Variants in TLN2 observed in about 807,000 individuals in gnomAD.
TLN2 encodes talin-2.
A neutral mutation model predicts 294.7 loss-of-function variants in TLN2; 118 were observed. The observed-to-expected ratio is 0.40, with a 90% confidence interval of 0.34 to 0.47. TLN2 has a LOEUF of 0.47. Ranked by LOEUF, TLN2 falls within the 20% of genes least tolerant of loss-of-function variation. The probability of loss-of-function intolerance (pLI) is 0.84; values close to 1 mark genes in which losing one functional copy is unlikely to be tolerated. For missense variants in TLN2, 3,083 were observed against 3,282.2 expected (o/e 0.94, Z 1.48); for synonymous variants, 1,431 against 1,304.5 (o/e 1.10, Z -2.09).
intron 1 of TLN2, among the ~76,000 whole-genome samples, chr15:62,416,701 T>G (rs2034106325): frequency 6.6e-6 from 1 of 152,184 alleles, no homozygotes; most frequent in Non-Finnish European, 1.5e-5. Context: ...ATTTAGCATT[T>G]GGCCTGACAG....
chr15:62,776,887 G>A lies in TLN2; in HGVS notation c.5491G>A (p.Ala1831Thr), dbSNP rs138052939. ...EVGLVGGMVD[A>T]IAEAMSKLDE... ...GGGGCTGGTTGGGGGCATGGTGGACGCCATTGCAGAAGCCATGAGCAAGGT... is the reference window on the plus strand; with the variant it reads ...GGGGCTGGTTGGGGGCATGGTGGACACCATTGCAGAAGCCATGAGCAAGGT... Residue 1831 changes from alanine (A) to threonine (T), a missense_variant, in exon 43 of 59, where the codon GCC (alanine) becomes ACC (threonine). Coordinates refer to ENST00000636159, the MANE Select transcript of TLN2 (RefSeq NM_015059.3). The A allele has an allele frequency of 3.0e-5, 48 of 1,582,972 alleles. 1 individual carries two copies. The Admixed American group carries it at 4.5e-4, about 15-fold the overall frequency.
chr15:62,675,077 A>G (rs983840427), intron 10 of TLN2, 140 bp from the exon 11 acceptor site: 12 of 732,412 alleles, frequency 1.6e-5, no homozygotes, highest in East Asian at 1.6e-4. Flanking sequence ...TGCCTGTGTC[A>G]TGGAGGGGTC....
chr15:62,462,738 C>T (rs1400680990), intron 1 of TLN2, among the ~76,000 whole-genome samples: 1 of 152,172 alleles, frequency 6.6e-6, no homozygotes, highest in African/African-American at 2.4e-5. Context: ...CCTTCCGGAA[C>T]CAGAACCAGT....
chr15:62,740,347 C>A, intron 31 of TLN2: 1 of 322,904 alleles, frequency 3.1e-6, no homozygotes, highest in Non-Finnish European at 5.7e-6. Context: ...CCACCCTGCT[C>A]CCCGCTTAAT....
At chr15:62,492,920 C>T (rs1250708519) in intron 1 of TLN2, among the ~76,000 whole-genome samples, 1 of 152,130 alleles carries the variant, frequency 6.6e-6, no homozygotes, top group Non-Finnish European at 1.5e-5. Context: ...AGTGGGGTAG[C>T]CCAGGACGTT....
In TLN2 at chr15:62,607,176, C is replaced by T. The variant is rs543522942; in HGVS notation, c.-161-11175C>T. On this transcript the variant is annotated intron_variant, in intron 2 of 58. Transcript: ENST00000636159. ...GCTCCTGCCCTTCAAGCACCCTTGGCTTCCTATTAGACTTTCTCTTTCCTC... is the reference window on the plus strand; with the variant it reads ...GCTCCTGCCCTTCAAGCACCCTTGGTTTCCTATTAGACTTTCTCTTTCCTC... Among the ~76,000 whole-genome samples the T allele has an allele frequency of 9.2e-5, 14 of 152,288 alleles. No homozygotes were observed. The East Asian group carries it at 2.7e-3, about 29-fold the overall frequency.
At chr15:62,668,862 A>G (rs981602656) in intron 9 of TLN2, among the ~76,000 whole-genome samples, 35 of 152,284 alleles carry the variant, frequency 2.3e-4, no homozygotes, top group Middle Eastern at 3.4e-3. Flanking sequence ...CTCTCTCTCA[A>G]CCTGGTTTGG....
At chr15:62,564,195 C>T (rs2043200933) in intron 1 of TLN2, among the ~76,000 whole-genome samples, 1 of 152,200 alleles carries the variant, frequency 6.6e-6, no homozygotes, top group South Asian at 2.1e-4. Flanking sequence ...TCCTTAGCCA[C>T]ACAGCTTGCA....
At chr15:62,491,351 T>TATAC (rs1195221221) in intron 1 of TLN2, among the ~76,000 whole-genome samples, 126 of 100,300 alleles carry the variant, frequency 1.3e-3, no homozygotes, top group African/African-American at 2.3e-3. Context: ...TATATATATA[T>TATAC]ACACACACAC....
chr15:62,474,297 C>T (rs1233927181), intron 1 of TLN2, among the ~76,000 whole-genome samples: 2 of 152,114 alleles, frequency 1.3e-5, no homozygotes, highest in East Asian at 1.9e-4. Context: ...ATCTATCATT[C>T]TCAGAGGAAT....
At chr15:62,538,241 A>G (rs2041474852) in intron 1 of TLN2, among the ~76,000 whole-genome samples, 1 of 151,934 alleles carries the variant, frequency 6.6e-6, no homozygotes, top group African/African-American at 2.4e-5. Flanking sequence ...ACACACACAC[A>G]AAAACACCAG....
At chr15:62,689,776 T>C (rs1231108966) in intron 12 of TLN2, among the ~76,000 whole-genome samples, 1 of 148,860 alleles carries the variant, frequency 6.7e-6, no homozygotes, top group Non-Finnish European at 1.5e-5. Context: ...TTGTAGGTAA[T>C]ATGTCATTTT....
Position 62,820,490 on chromosome 15 carries a change from A to G in TLN2, c.6882A>G (p.Thr2294=). 1 of 1,613,964 alleles carries G rather than the reference A, an allele frequency of 6.2e-7. No homozygotes were observed. Among genetic ancestry groups the G allele is most frequent in the East Asian group, 2.2e-5 (1 of 44,880 alleles). The change falls in exon 54 of 59, where the codon ACA becomes ACG. Residue 2294 remains threonine (T), a synonymous_variant. Transcript: ENST00000636159. ...CTTCTTTTGGACTGATTCTAGGAAC[A>G]GAGTGGGTGGATCCAGAAGACCCAA... ...LIQAAEAMKG[T]EWVDPEDPTV... is the part of the protein sequence containing the mutation.
At chr15:62,796,639 C>T (rs554207313) in intron 47 of TLN2, among the ~76,000 whole-genome samples, 3 of 152,112 alleles carry the variant, frequency 2.0e-5, no homozygotes, top group Admixed American at 6.5e-5. Flanking sequence ...TTCGCTTAAA[C>T]CCTGTTTTGG....
intron 52 of TLN2, among the ~76,000 whole-genome samples, chr15:62,816,189 C>G (rs532891582): frequency 2.6e-5 from 4 of 152,208 alleles, no homozygotes; most frequent in Non-Finnish European, 5.9e-5. Flanking sequence ...TCGACAGAGC[C>G]ATCTCCCCGC....
At chr15:62,697,594 T>C (rs1158685897) in intron 14 of TLN2, 94 bp from the exon 15 acceptor site, 1 of 1,408,004 alleles carries the variant, frequency 7.1e-7, no homozygotes. Flanking sequence ...CTTCACAGCA[T>C]AAAGCAGGGA....
At chr15:62,609,384 T>C (rs960615295) in intron 2 of TLN2, among the ~76,000 whole-genome samples, 5 of 152,208 alleles carry the variant, frequency 3.3e-5, no homozygotes, top group African/African-American at 1.2e-4. Context: ...CCGTTCAGGT[T>C]TTACCAAATG....
At chr15:62,515,422 G>A (rs1164175300) in intron 1 of TLN2, among the ~76,000 whole-genome samples, 1 of 152,222 alleles carries the variant, frequency 6.6e-6, no homozygotes, top group East Asian at 1.9e-4. Flanking sequence ...GAGCCAGCAA[G>A]TTGTGGTCTT....
chr15:62,421,328 G>A (rs552728810), intron 1 of TLN2, among the ~76,000 whole-genome samples: 29 of 152,242 alleles, frequency 1.9e-4, no homozygotes, highest in African/African-American at 5.8e-4. Context: ...GAGTCACTGC[G>A]CGCAGCCCCT....
Sources: gnomAD v4.1 joint callset for allele counts (sites outside exome capture counted in the v4.1 genomes callset) on GRCh38, gnomAD v4.1.1 for gene constraint, MANE v1.5 for transcripts, NCBI Gene and HGNC (gene_info 2026-07-23, HGNC 2026-07-21) for gene names.